PRDM16: variants seen among roughly 807,000 people sequenced by gnomAD.
PRDM16 encodes the protein PR/SET domain 16, also known as histone-lysine N-methyltransferase PRDM16.
In PRDM16, 23 loss-of-function variants were observed where a neutral mutation model predicts 110.6. The ratio of observed to expected loss-of-function variants is 0.21; its 90% CI spans 0.15 to 0.29. The LOEUF is 0.29. Ranked by LOEUF, PRDM16 falls within the 10% of genes least tolerant of loss-of-function variation. The pLI is 1.00. For missense variants in PRDM16, 1,615 were observed against 1,794.3 expected (o/e 0.90, Z 1.81); for synonymous variants, 799 against 781.8 (o/e 1.02, Z -0.37).
At chr1:3,392,866 A>G (rs570588210) in intron 4 of PRDM16, among the ~76,000 whole-genome samples, 25 of 152,208 alleles carry the variant, frequency 1.6e-4, no homozygotes, top group Non-Finnish European at 3.2e-4. Flanking sequence ...CTTACCTACA[A>G]GAAGCCGCCT....
At chr1:3,114,215 A>C (rs1029350707) in intron 1 of PRDM16, among the ~76,000 whole-genome samples, 1 of 128,832 alleles carries the variant, frequency 7.8e-6, no homozygotes, top group South Asian at 2.5e-4. Flanking sequence ...ACACACGCAC[A>C]CGAACACACA....
chr1:3,196,082 G>A (rs1002790305), intron 2 of PRDM16, among the ~76,000 whole-genome samples: 4 of 152,216 alleles, frequency 2.6e-5, no homozygotes, highest in Non-Finnish European at 5.9e-5. Context: ...GCAGGTGTGG[G>A]TCCCGCTCAG....
intron 1 of PRDM16, among the ~76,000 whole-genome samples, chr1:3,123,643 C>G (rs1472374238): frequency 6.6e-6 from 1 of 152,258 alleles, no homozygotes; most frequent in Non-Finnish European, 1.5e-5. Flanking sequence ...ATGCCCCCTT[C>G]CTTGGCATCC....
chr1:3,304,711 A>T (rs2100398706), intron 3 of PRDM16, among the ~76,000 whole-genome samples: 1 of 152,016 alleles, frequency 6.6e-6, no homozygotes, highest in South Asian at 2.1e-4. Flanking sequence ...AGCACGTCTG[A>T]TGGCTCCCAA....
At position 3,435,297 on chromosome 1, in the gene PRDM16, AT is replaced by A. The variant is rs1438947815; in HGVS notation, c.*1488del. 2.2e-5 allele frequency: 5 copies of A among 225,614 alleles called. No individual in the cohort carries two copies. Among genetic ancestry groups the A allele is most frequent in the Non-Finnish European group, 3.5e-5 (4 of 113,496 alleles). The allele number at this position is 225,614 out of a possible 1,614,324, so 14.0% of individuals were successfully genotyped here. A position where few individuals can be genotyped will look rare whatever the true frequency, so the allele number is the denominator to read the frequency against. On this transcript the variant is annotated 3_prime_UTR_variant, in exon 17 of 17. Transcript: ENST00000270722. Reference sequence around the variant, plus strand: ...CTTAACAGTATTTTTGGCATTAGACATTCTTATTGTGAAGAAATAATGTTAA... The same window carrying A: ...CTTAACAGTATTTTTGGCATTAGACATCTTATTGTGAAGAAATAATGTTAA...
intron 3 of PRDM16, among the ~76,000 whole-genome samples, chr1:3,301,716 A>G (rs1353739003): frequency 1.3e-5 from 2 of 152,186 alleles, no homozygotes; most frequent in African/African-American, 4.8e-5. Context: ...GCTTGTTACT[A>G]ACCCCAAGCA....
rs568732434 is a variant in PRDM16 at position 3,152,519 on chromosome 1, C to T, written c.38-33606C>T. 1.6e-3 allele frequency among the ~76,000 whole-genome samples: 247 copies of T among 152,306 alleles called. 1 individual carries two copies. Among genetic ancestry groups the T allele is most frequent in the Non-Finnish European group, 2.6e-3 (179 of 68,036 alleles). On this transcript the variant is annotated intron_variant, in intron 1 of 16. Transcript: ENST00000270722. ...AGACTCTCTAAATTAGATCCCATCT[C>T]CCAAAGAAGAAATGAAGGCTTGGAG...
chr1:3,364,424 C>T (rs543221458), intron 3 of PRDM16, among the ~76,000 whole-genome samples: 1 of 152,166 alleles, frequency 6.6e-6, no homozygotes, highest in Non-Finnish European at 1.5e-5. Flanking sequence ...CCTCTTGAAG[C>T]GCTCAGAGGT....
intron 1 of PRDM16, among the ~76,000 whole-genome samples, chr1:3,165,427 GGACAGT>G (rs2100749191): frequency 7.6e-6 from 1 of 132,050 alleles, no homozygotes; most frequent in East Asian, 2.3e-4. Flanking sequence ...CTGGGCTCAG[GGACAGT>G]GACTCACCTG....
At chr1:3,291,269 G>A (rs1640967747) in intron 3 of PRDM16, among the ~76,000 whole-genome samples, 1 of 152,114 alleles carries the variant, frequency 6.6e-6, no homozygotes, top group African/African-American at 2.4e-5. Flanking sequence ...CCAGGAACAG[G>A]GAACCCAGAG....
intron 3 of PRDM16, among the ~76,000 whole-genome samples, chr1:3,341,650 A>G (rs996900056): frequency 7.2e-5 from 11 of 152,268 alleles, no homozygotes; most frequent in Non-Finnish European, 1.5e-4. Flanking sequence ...AGAAGTGATC[A>G]TAATAATTCA....
At chr1:3,321,935 GTA>G (rs1380152244) in intron 3 of PRDM16, among the ~76,000 whole-genome samples, 1 of 151,618 alleles carries the variant, frequency 6.6e-6, no homozygotes, top group Non-Finnish European at 1.5e-5. Context: ...ACATATGCGT[GTA>G]TGTTTGGCAT....
At chr1:3,228,458 T>G (rs1278859315) in intron 2 of PRDM16, among the ~76,000 whole-genome samples, 1 of 152,178 alleles carries the variant, frequency 6.6e-6, no homozygotes, top group Non-Finnish European at 1.5e-5. Context: ...TTTGTGCGCC[T>G]CTCAGAGTAA....
At chr1:3,326,663 C>CG (rs1445913078) in intron 3 of PRDM16, among the ~76,000 whole-genome samples, 5 of 152,142 alleles carry the variant, frequency 3.3e-5, no homozygotes, top group Non-Finnish European at 7.4e-5. Flanking sequence ...ATTAGAGGAG[C>CG]GGGGAACAGG....
intron 1 of PRDM16, among the ~76,000 whole-genome samples, chr1:3,184,004 C>A (rs773526131): frequency 7.9e-5 from 12 of 152,196 alleles, no homozygotes; most frequent in Non-Finnish European, 1.3e-4. Flanking sequence ...ACCACCCCCC[C>A]CAATGTACCT....
chr1:3,210,613 G>A (rs1638861874), intron 2 of PRDM16, among the ~76,000 whole-genome samples: 1 of 152,246 alleles, frequency 6.6e-6, no homozygotes, highest in South Asian at 2.1e-4. Flanking sequence ...CTAAGTTGAG[G>A]GAATCAGAAT....
chr1:3,395,331 A>C (rs1020204808), intron 4 of PRDM16, among the ~76,000 whole-genome samples: 6 of 152,050 alleles, frequency 3.9e-5, no homozygotes, highest in African/African-American at 1.4e-4. Context: ...TGTCACCCAC[A>C]AGGATGGCCA....
chr1:3,101,139 G>A (rs189560761), intron 1 of PRDM16, among the ~76,000 whole-genome samples: 11 of 152,260 alleles, frequency 7.2e-5, no homozygotes, highest in African/African-American at 2.4e-4. Flanking sequence ...GTGCCCCTTC[G>A]GTCTGGGGAA....
rs1330908212 is a variant in PRDM16, at chr1:3,411,962, G to A, written c.1765G>A (p.Glu589Lys). The change falls in exon 9 of 17, where the codon GAG becomes AAG. Residue 589 changes from glutamate (E) to lysine (K), a missense_variant. Glu to Lys is a moderately conservative substitution (Grantham distance 56). Coordinates refer to ENST00000270722, the MANE Select transcript of PRDM16 (RefSeq NM_022114.4). ...FESRLEDSCV[E>K]KLKTRSSDMS... is the part of the protein sequence containing the mutation. The stretch of plus-strand genomic sequence containing the variant: ...GAGCCGCCTGGAGGACTCCTGTGTG[G>A]AGAAGCTGAAGACCAGGAGCAGCGA... 1 of 1,613,630 alleles carries A rather than the reference G, an allele frequency of 6.2e-7. No homozygotes were observed. The highest frequency in any genetic ancestry group is 1.3e-5 in the African/African-American group (1 of 74,906).
Sources: allele counts gnomAD v4.1 joint callset (sites outside exome capture counted in the v4.1 genomes callset), GRCh38; gene constraint gnomAD v4.1.1; transcripts MANE v1.5; gene names NCBI Gene and HGNC (gene_info 2026-07-23, HGNC 2026-07-21).